The following RBFOX1 variants were observed in gnomAD, a reference collection of about 807,000 sequenced individuals.
RBFOX1 encodes RNA binding fox-1 homolog 1.
RBFOX1 carries 8 observed loss-of-function variants against 57.7 expected under a neutral mutation model. The ratio of observed to expected loss-of-function variants is 0.14; its 90% CI spans 0.08 to 0.25. RBFOX1 has a LOEUF of 0.25. RBFOX1 is among the 10% of genes least tolerant of loss of function. The pLI, the probability that RBFOX1 is intolerant of heterozygous loss-of-function variation, is 1.00. For synonymous variants in RBFOX1, 326 were observed against 222.4 expected, an observed-to-expected ratio of 1.47 and a Z score of -4.15; for missense variants, 611 against 548.5, an observed-to-expected ratio of 1.11 and a Z score of -1.14.
chr16:6,373,006 G>A (rs1280777419), intron 2 of RBFOX1, among the ~76,000 whole-genome samples: 3 of 152,016 alleles, frequency 2.0e-5, no homozygotes, highest in African/African-American at 4.8e-5. Context: ...GGATCTTTGG[G>A]TAGGAGGATG....
intron 14 of RBFOX1, among the ~76,000 whole-genome samples, chr16:7,708,574 C>G (rs138406368): frequency 5.9e-5 from 9 of 152,314 alleles, no homozygotes; most frequent in African/African-American, 1.9e-4. Context: ...CCTTTCCATT[C>G]TAAGATGCTG....
chr16:6,084,714 C>T (rs2096060436), intron 1 of RBFOX1, among the ~76,000 whole-genome samples: 1 of 152,120 alleles, frequency 6.6e-6, no homozygotes, highest in Non-Finnish European at 1.5e-5. Flanking sequence ...GAGATAAGGT[C>T]AGGCATTCTA....
At chr16:5,305,583 T>C (rs1035502798) in intron 1 of RBFOX1, among the ~76,000 whole-genome samples, 1 of 152,216 alleles carries the variant, frequency 6.6e-6, no homozygotes, top group African/African-American at 2.4e-5. Context: ...ATCTTCTCCA[T>C]ATTTCTTGCC....
intron 1 of RBFOX1, among the ~76,000 whole-genome samples, chr16:5,398,607 T>A (rs2151434060): frequency 6.6e-6 from 1 of 151,466 alleles, no homozygotes; most frequent in Non-Finnish European, 1.5e-5. Flanking sequence ...GGCAAGGAAA[T>A]AGAATAACAG....
intron 3 of RBFOX1, among the ~76,000 whole-genome samples, chr16:6,895,735 C>G (rs898758759): frequency 6.6e-6 from 1 of 151,784 alleles, no homozygotes; most frequent in Non-Finnish European, 1.5e-5. Flanking sequence ...CAAAAGTGGA[C>G]TACATCTCAA....
intron 3 of RBFOX1, among the ~76,000 whole-genome samples, chr16:6,897,691 C>T (rs1438188135): frequency 6.7e-6 from 1 of 149,182 alleles, no homozygotes; most frequent in Non-Finnish European, 1.5e-5. Flanking sequence ...CAGTTGGGAG[C>T]CTGAGGCAGG....
chr16:6,548,458 G>T (rs1166397344), intron 2 of RBFOX1, among the ~76,000 whole-genome samples: 1 of 152,144 alleles, frequency 6.6e-6, no homozygotes, highest in Non-Finnish European at 1.5e-5. Flanking sequence ...GAATTAGAAT[G>T]TACAAGGTTA....
intron 1 of RBFOX1, among the ~76,000 whole-genome samples, chr16:6,138,146 T>C (rs910033410): frequency 6.6e-6 from 1 of 152,240 alleles, no homozygotes; most frequent in Non-Finnish European, 1.5e-5. Context: ...ATCGTTAATA[T>C]TGATATTAAA....
At chr16:6,997,235 A>T (rs1007427168) in intron 3 of RBFOX1, among the ~76,000 whole-genome samples, 1 of 152,110 alleles carries the variant, frequency 6.6e-6, no homozygotes, top group African/African-American at 2.4e-5. Context: ...GTCCCTTTGA[A>T]GACTAGAGTG....
chr16:6,459,324 C>T (rs942783974), intron 2 of RBFOX1, among the ~76,000 whole-genome samples: 4 of 151,998 alleles, frequency 2.6e-5, no homozygotes, highest in South Asian at 4.1e-4. Flanking sequence ...CGACAGAGGG[C>T]GAAATCAGCA....
At chr16:5,290,245 C>G (rs1596409044) in intron 1 of RBFOX1, among the ~76,000 whole-genome samples, 1 of 152,098 alleles carries the variant, frequency 6.6e-6, no homozygotes, top group Admixed American at 6.5e-5. Context: ...GCCTCTAATC[C>G]CAGCTACTTG....
At chr16:5,665,202 T>C (rs2151399599) in intron 3 of RBFOX1, among the ~76,000 whole-genome samples, 1 of 151,146 alleles carries the variant, frequency 6.6e-6, no homozygotes, top group East Asian at 2.0e-4. Context: ...CCTCCCACCT[T>C]AGTCTTCAAA....
intron 4 of RBFOX1, among the ~76,000 whole-genome samples, chr16:7,227,559 G>C (rs2093220213): frequency 6.6e-6 from 1 of 152,172 alleles, no homozygotes; most frequent in African/African-American, 2.4e-5. Context: ...GCAGCTTTCG[G>C]AGTCCGAAAG....
chr16:6,445,941 G>T (rs111953903), intron 2 of RBFOX1, among the ~76,000 whole-genome samples: 99 of 150,706 alleles, frequency 6.6e-4, no homozygotes, highest in African/African-American at 2.2e-3. Flanking sequence ...ACTATACACA[G>T]AGTAGGTCCT....
intron 4 of RBFOX1, among the ~76,000 whole-genome samples, chr16:7,400,460 CT>C (rs961294861): frequency 1.3e-5 from 2 of 151,922 alleles, no homozygotes; most frequent in African/African-American, 4.8e-5. Context: ...GTCCAGGTTG[CT>C]TTTTTTTAAT....
chr16:7,235,265 T>A (rs1567828813), intron 4 of RBFOX1, among the ~76,000 whole-genome samples: 1 of 152,182 alleles, frequency 6.6e-6, no homozygotes, highest in Non-Finnish European at 1.5e-5. Context: ...AGGGATGGGT[T>A]ACACAGAAAG....
chr16:5,616,661 C>A (rs1311065466), intron 3 of RBFOX1, among the ~76,000 whole-genome samples: 1 of 123,916 alleles, frequency 8.1e-6, no homozygotes, highest in African/African-American at 2.7e-5. Flanking sequence ...TCTGCTTCCT[C>A]CCCCTCATCC....
chr16:5,897,265 G>T (rs1340518318), intron 4 of RBFOX1, among the ~76,000 whole-genome samples: 1 of 151,654 alleles, frequency 6.6e-6, no homozygotes, highest in African/African-American at 2.4e-5. Context: ...TCGATCTCCT[G>T]ACCTCATGAT....
chr16:6,521,931 A>G (rs1747143103), intron 2 of RBFOX1, among the ~76,000 whole-genome samples: 1 of 152,144 alleles, frequency 6.6e-6, no homozygotes, highest in African/African-American at 2.4e-5. Context: ...GGGAAGGGGA[A>G]TACTTCTTTT....
Sources: gnomAD v4.1 joint callset for allele counts (sites outside exome capture counted in the v4.1 genomes callset) on GRCh38, gnomAD v4.1.1 for gene constraint, MANE v1.5 for transcripts, NCBI Gene and HGNC (gene_info 2026-07-23, HGNC 2026-07-21) for gene names.